EPS8: variants seen among roughly 807,000 people sequenced by gnomAD.
The protein encoded by EPS8 is EGFR pathway substrate 8, signaling adaptor.
In EPS8, 42 loss-of-function variants were observed where a neutral mutation model predicts 103.8. That is an observed-to-expected ratio of 0.40 (90% CI 0.32 to 0.52). The LOEUF is 0.52. EPS8 is among the 20% of genes least tolerant of loss of function. EPS8 has a pLI of 0.40. For missense variants in EPS8, 969 were observed against 1,005.1 expected (o/e 0.96, Z 0.49); for synonymous variants, 344 against 344.6 (o/e 1.00, Z 0.02).
rs56016545 is a variant in EPS8 at position 15,692,319 on chromosome 12, GTTTTT to G, written c.-21-9352_-21-9348del. ...CAAATTGTAGATTGAAAGAGGTTTGGTTTTTTTTTTTTTTTTTTTTTTTTGCCCCA... is the reference window on the plus strand; with the variant it reads ...CAAATTGTAGATTGAAAGAGGTTTGGTTTTTTTTTTTTTTTTTTTGCCCCA... On this transcript the variant is annotated intron_variant, in intron 1 of 20. Transcript: ENST00000281172. Among the ~76,000 whole-genome samples, 44 of 120,272 alleles carry G rather than the reference GTTTTT, an allele frequency of 3.7e-4. No homozygotes were observed. In the South Asian group the frequency reaches 4.2e-3, roughly 12 times the overall value. The allele number at this position is 120,272 out of a possible 152,430, so 78.9% of individuals were successfully genotyped here. A position where few individuals can be genotyped will look rare whatever the true frequency, so the allele number is the denominator to read the frequency against.
At chr12:15,663,581 T>A (rs1859629142) in intron 8 of EPS8, among the ~76,000 whole-genome samples, 1 of 152,108 alleles carries the variant, frequency 6.6e-6, no homozygotes. Context: ...AGATAAAATT[T>A]AATGAAAGCT....
intron 1 of EPS8, among the ~76,000 whole-genome samples, chr12:15,711,950 CTG>C (rs2135960646): frequency 6.6e-6 from 1 of 152,252 alleles, no homozygotes; most frequent in South Asian, 2.1e-4. Context: ...TCTATCTAGT[CTG>C]TGTTACAATG....
At chr12:15,712,088 A>G (rs896157492) in intron 1 of EPS8, among the ~76,000 whole-genome samples, 1 of 152,224 alleles carries the variant, frequency 6.6e-6, no homozygotes, top group Non-Finnish European at 1.5e-5. Flanking sequence ...ATAGATCTTT[A>G]TATATTATGA....
At chr12:15,742,862 T>G (rs1421405427) in intron 1 of EPS8, among the ~76,000 whole-genome samples, 1 of 152,222 alleles carries the variant, frequency 6.6e-6, no homozygotes, top group African/African-American at 2.4e-5. Flanking sequence ...AAGACAGGGA[T>G]GCCCTCTCTC....
chr12:15,704,562 C>T lies in EPS8; in HGVS notation c.-21-21590G>A, dbSNP rs1052467786. ...ACACAGAAAGCATAATGGTGGCTGC[C>T]AGGGGCTGTGGAAGGTGGAGAATGG... On this transcript the variant is annotated intron_variant, in intron 1 of 20. Transcript: ENST00000281172. This position sits in a 1 kb window ranked among gnomAD's most constrained non-coding sequence, Gnocchi z 4.6. 6.6e-6 allele frequency among the ~76,000 whole-genome samples: 1 copy of T among 152,032 alleles called. No homozygotes were observed. Among genetic ancestry groups the T allele is most frequent in the Non-Finnish European group, 1.5e-5 (1 of 68,002 alleles).
rs1008071804 is a variant in EPS8 at position 15,702,703 on chromosome 12, T to A, written c.-21-19731A>T. ...ACATATCCAATACAATATATAAATA[T>A]GAAGAAAAAAATTGCATGCTTAATA... is the stretch of plus-strand genomic sequence containing the variant. On this transcript the variant is annotated intron_variant, in intron 1 of 20. Coordinates refer to ENST00000281172, the MANE Select transcript of EPS8 (RefSeq NM_004447.6). The surrounding 1 kb of genome is among the most constrained non-coding windows in gnomAD (Gnocchi z 5.1). Among the ~76,000 whole-genome samples the A allele has an allele frequency of 2.0e-5, 3 of 150,696 alleles. No homozygotes were observed. The highest frequency in any genetic ancestry group is 4.4e-5 in the Non-Finnish European group (3 of 68,004).
At chr12:15,633,929 A>G (rs1051851799) in intron 17 of EPS8, among the ~76,000 whole-genome samples, 3 of 151,722 alleles carry the variant, frequency 2.0e-5, no homozygotes, top group African/African-American at 7.3e-5. Context: ...TAGCTTCTCT[A>G]CTCCTCTTTA....
Position 15,700,294 on chromosome 12 carries a change from C to G in EPS8, c.-21-17322G>C, listed in dbSNP as rs575507107. On this transcript the variant is annotated intron_variant, in intron 1 of 20. Coordinates refer to ENST00000281172, the MANE Select transcript of EPS8 (RefSeq NM_004447.6). This position sits in a 1 kb window ranked among gnomAD's most constrained non-coding sequence, Gnocchi z 5.1. ...ACCACTCTAACGTATTCTTTTCTAT[C>G]TTCTAAACAATTCTGAGGTGTGGCA... Among the ~76,000 whole-genome samples, 2 of 152,152 alleles carry G rather than the reference C, an allele frequency of 1.3e-5. No homozygotes were observed. The highest frequency in any genetic ancestry group is 4.8e-5 in the African/African-American group (2 of 41,430).
chr12:15,663,216 CA>C (rs201512222), intron 8 of EPS8, among the ~76,000 whole-genome samples: 1,975 of 152,154 alleles, frequency 0.013, 39 homozygotes, highest in African/African-American at 0.045. Flanking sequence ...ACAGAGGCCC[CA>C]AAAAATATCA....
intron 1 of EPS8, among the ~76,000 whole-genome samples, chr12:15,775,604 C>T (rs913266286): frequency 4.0e-5 from 6 of 151,722 alleles, no homozygotes; most frequent in Admixed American, 1.3e-4. Context: ...GGAAAGAGGG[C>T]GAGAAAAGCA....
rs1041897400 is a variant in EPS8 at position 15,654,883 on chromosome 12, T to A, written c.1102-590A>T. Among the ~76,000 whole-genome samples the A allele has an allele frequency of 3.9e-5, 6 of 152,268 alleles. No homozygotes were observed. The East Asian group carries it at 9.6e-4, about 24-fold the overall frequency. On this transcript the variant is annotated intron_variant, in intron 12 of 20. Transcript: ENST00000281172. ...TTCCTCTGATTTAATATGGATAATTTAATGACAGCAGAAACAAACAGGTGC... is the reference window on the plus strand; with the variant it reads ...TTCCTCTGATTTAATATGGATAATTAAATGACAGCAGAAACAAACAGGTGC...
intron 3 of EPS8, among the ~76,000 whole-genome samples, chr12:15,679,389 A>C (rs1945965571): frequency 6.6e-6 from 1 of 152,188 alleles, no homozygotes; most frequent in African/African-American, 2.4e-5. Flanking sequence ...TCCAGTTAAC[A>C]CCAAATTGCT....
chr12:15,669,540 T>A lies in EPS8; in HGVS notation c.367-4A>T. The A allele has an allele frequency of 6.3e-7, 1 of 1,589,480 alleles. No homozygotes were observed. Among genetic ancestry groups the A allele is most frequent in the African/African-American group, 1.4e-5 (1 of 73,900 alleles). On this transcript the variant is annotated splice_region_variant and splice_polypyrimidine_tract_variant and intron_variant, in intron 5 of 20. Coordinates refer to ENST00000281172, the MANE Select transcript of EPS8 (RefSeq NM_004447.6). ...AAGGAAAATTCTCCAGTTCATTCTATAAATAAAGTGAACATTTTATTTTGT... is the reference window on the plus strand; with the variant it reads ...AAGGAAAATTCTCCAGTTCATTCTAAAAATAAAGTGAACATTTTATTTTGT...
chr12:15,727,435 C>T lies in EPS8; in HGVS notation c.-21-44463G>A, dbSNP rs2135987110. On this transcript the variant is annotated intron_variant, in intron 1 of 20. Transcript: ENST00000281172. The surrounding 1 kb of genome is among the most constrained non-coding windows in gnomAD (Gnocchi z 4.3). ...CCTCATTCTTGTGTTTTATTTTAAA[C>T]ATAATTGAAACACTTTAATATTTCC... Among the ~76,000 whole-genome samples the T allele has an allele frequency of 6.6e-6, 1 of 152,270 alleles. No individual in the cohort carries two copies. Among genetic ancestry groups the T allele is most frequent in the East Asian group, 1.9e-4 (1 of 5,190 alleles).
rs115205765 is a variant in EPS8, at chr12:15,716,862, C to T, written c.-21-33890G>A. Among the ~76,000 whole-genome samples, 357 of 152,328 alleles carry T rather than the reference C, an allele frequency of 2.3e-3. 4 individuals are homozygous for T. Among genetic ancestry groups the T allele is most frequent in the African/African-American group, 8.4e-3 (349 of 41,572 alleles). On this transcript the variant is annotated intron_variant, in intron 1 of 20. Coordinates refer to ENST00000281172, the MANE Select transcript of EPS8 (RefSeq NM_004447.6). The surrounding 1 kb of genome is among the most constrained non-coding windows in gnomAD (Gnocchi z 5.0). ...CAAAATTTCACTTTCAGTTCCTGTA[C>T]TGTTCAACCCCAATTCCTCATCGGT...
intron 1 of EPS8, among the ~76,000 whole-genome samples, chr12:15,715,510 G>A (rs549068649): frequency 1.3e-4 from 19 of 147,030 alleles, no homozygotes; most frequent in African/African-American, 3.7e-4. Flanking sequence ...TTCTCCTCCC[G>A]AATAGCTGGG....
At chr12:15,649,149 T>C (rs556301673) in intron 14 of EPS8, among the ~76,000 whole-genome samples, 2 of 152,244 alleles carry the variant, frequency 1.3e-5, no homozygotes, top group South Asian at 4.1e-4. Flanking sequence ...AACAGGAAAA[T>C]AATAACTCAT....
At position 15,688,825 on chromosome 12, in the gene EPS8, A is replaced by T. The variant is rs1486159897; in HGVS notation, c.-21-5853T>A. On this transcript the variant is annotated intron_variant, in intron 1 of 20. Transcript: ENST00000281172. This position sits in a 1 kb window ranked among gnomAD's most constrained non-coding sequence, Gnocchi z 5.1. ...AAACCCCCTGTCCTTGCAATAAGGTAGAGGATCTAATTGAGCTGGTTAACA... is the reference window on the plus strand; with the variant it reads ...AAACCCCCTGTCCTTGCAATAAGGTTGAGGATCTAATTGAGCTGGTTAACA... Among the ~76,000 whole-genome samples the T allele has an allele frequency of 6.6e-6, 1 of 152,204 alleles. No homozygotes were observed. Among genetic ancestry groups the T allele is most frequent in the African/African-American group, 2.4e-5 (1 of 41,472 alleles).
intron 6 of EPS8, among the ~76,000 whole-genome samples, chr12:15,667,204 T>C (rs1282529243): frequency 1.3e-5 from 2 of 152,202 alleles, no homozygotes; most frequent in Non-Finnish European, 2.9e-5. Context: ...ATGCACCATC[T>C]ATGTTTGGGC....
Sources: allele counts gnomAD v4.1 joint callset (sites outside exome capture counted in the v4.1 genomes callset), GRCh38; gene constraint gnomAD v4.1.1; non-coding constraint Gnocchi (gnomAD v3.1); transcripts MANE v1.5; gene names NCBI Gene and HGNC (gene_info 2026-07-23, HGNC 2026-07-21).